Variants in FAM171A2 observed in about 807,000 individuals in gnomAD.
FAM171A2 encodes protein FAM171A2.
Under a neutral mutation model 34.2 loss-of-function variants are expected in FAM171A2, and 13 were observed. The ratio of observed to expected loss-of-function variants is 0.38; its 90% CI spans 0.25 to 0.60. The LOEUF is 0.60. Among genes scored for constraint, FAM171A2 ranks in the 20% least tolerant of loss-of-function variants. The pLI, the probability that FAM171A2 is intolerant of heterozygous loss-of-function variation, is 0.62. For missense variants in FAM171A2, 950 were observed against 1,180.7 expected (o/e 0.80, Z 2.86); for synonymous variants, 475 against 561.2 (o/e 0.85, Z 2.17).
Position 44,363,660 on chromosome 17 carries a change from G to T in FAM171A2, c.55C>A (p.Leu19Met). The stretch of plus-strand genomic sequence containing the variant: ...GCCCGGGAGGCGCTGCCGAGCAGCA[G>T]CCCCAGCAGCGGCAACAGCCGCGCG... ...VLARLLPLLG[L>M]LLGSASRAPG... Residue 19 changes from leucine (L) to methionine (M), a missense_variant, in exon 1 of 8, where the codon CTG becomes ATG. Around this residue, in one of 3 missense-constraint regions of FAM171A2, gnomAD observed 752 missense variants for 924.5 expected, o/e 0.81. Coordinates refer to ENST00000293443, the MANE Select transcript of FAM171A2 (RefSeq NM_198475.3). 8.1e-7 allele frequency: 1 copy of T among 1,227,588 alleles called. No homozygotes were observed. The highest frequency in any genetic ancestry group is 4.0e-5 in the South Asian group (1 of 25,168). The allele number at this position is 1,227,588 out of a possible 1,614,324, so 76.0% of individuals were successfully genotyped here. A position where few individuals can be genotyped will look rare whatever the true frequency, so the allele number is the denominator to read the frequency against.
chr17:44,353,818 GC>G lies in FAM171A2; in HGVS notation c.2395del (p.Ala799ArgfsTer22). Reference protein sequence around the residue: ...SLTSPEDELGAEVGDEAGDKK... With the variant: ...SLTSPEDELGXEVGDEAGDKK... ...GTCTCCCGCCTCGTCGCCCACCTCC[GC>G]CCCCAGCTCGTCCTCCGGGCTGGTG... On this transcript the variant is annotated frameshift_variant, in exon 8 of 8. Transcript: ENST00000293443. LOFTEE classifies it low-confidence loss of function (END_TRUNC). The G allele has an allele frequency of 2.8e-6, 4 of 1,423,146 alleles. No homozygotes were observed. Among genetic ancestry groups the G allele is most frequent in the Non-Finnish European group, 3.7e-6 (4 of 1,089,400 alleles). 88.2% of individuals were successfully genotyped at this position (1,423,146 alleles called of 1,614,324 possible).
Position 44,353,763 on chromosome 17 carries a change from C to T in FAM171A2, c.2451G>A (p.Glu817=). 1 of 1,432,910 alleles carries T rather than the reference C, an allele frequency of 7.0e-7. No individual in the cohort carries two copies. Among genetic ancestry groups the T allele is most frequent in the Non-Finnish European group, 9.1e-7 (1 of 1,093,554 alleles). The allele number at this position is 1,432,910 out of a possible 1,614,324, so 88.8% of individuals were successfully genotyped here. Reference sequence around the variant, plus strand: ...TGACGTTGAACACCATCAGCGGCCGCTCCTCCCGCCGCTGCCACGGGCTCT... The same window carrying T: ...TGACGTTGAACACCATCAGCGGCCGTTCCTCCCGCCGCTGCCACGGGCTCT... ...DKKSPWQRRE[E]RPLMVFNVK Residue 817 remains glutamate, a synonymous_variant, in exon 8 of 8, where the codon GAG becomes GAA. Coordinates refer to ENST00000293443, the MANE Select transcript of FAM171A2 (RefSeq NM_198475.3).
Position 44,354,535 on chromosome 17 carries a change from T to C in FAM171A2, c.1679A>G (p.Asp560Gly), listed in dbSNP as rs2048410824. Residue 560 changes from aspartate (D) to glycine (G), a missense_variant, in exon 8 of 8, where the codon GAC (aspartate) becomes GGC (glycine). Transcript: ENST00000293443. The surrounding 1 kb of genome is among the most constrained non-coding windows in gnomAD (Gnocchi z 5.8). ...GGEAGAAGVG[D>G]EPAPPEGTAP... ...CGTGCCCTCCGGCGGGGCCGGCTCG[T>C]CGCCCACGCCGGCGGCGCCCGCCTC... The C allele has an allele frequency of 5.1e-6, 6 of 1,176,394 alleles. No homozygotes were observed. Among genetic ancestry groups the C allele is most frequent in the Non-Finnish European group, 6.3e-6 (6 of 952,400 alleles). The allele number at this position is 1,176,394 out of a possible 1,614,324, so 72.9% of individuals were successfully genotyped here.
At position 44,355,650 on chromosome 17, in the gene FAM171A2, T is replaced by G; in HGVS notation, c.1022+65A>C. The G allele has an allele frequency of 6.5e-7, 1 of 1,543,876 alleles. No individual in the cohort carries two copies. The highest frequency in any genetic ancestry group is 8.8e-7 in the Non-Finnish European group (1 of 1,142,352). Reference sequence around the variant, plus strand: ...CCTTGAGGACCAGAAGTGGATTTTATGCATCTTTGGGGCCCCAGGGCCCGG... The same window carrying G: ...CCTTGAGGACCAGAAGTGGATTTTAGGCATCTTTGGGGCCCCAGGGCCCGG... On this transcript the variant is annotated intron_variant, in intron 7 of 7. Transcript: ENST00000293443. This position sits in a 1 kb window ranked among gnomAD's most constrained non-coding sequence, Gnocchi z 4.1.
rs538186234 is a variant in FAM171A2 at position 44,359,592 on chromosome 17, G to A, written c.426C>T (p.Leu142=). The change falls in exon 3 of 8, where the codon CTC becomes CTT. Residue 142 remains leucine (L), a synonymous_variant. Coordinates refer to ENST00000293443, the MANE Select transcript of FAM171A2 (RefSeq NM_198475.3). ...GGGGAGCCTTACCGGGAGAGCCTAG[G>A]AGAATGTGCACCAGGTCCTCATAGA... ...LILYEDLVHI[L]LGSPGARSQP... 1.4e-4 allele frequency: 217 copies of A among 1,551,296 alleles called. No individual in the cohort carries two copies. Among genetic ancestry groups the A allele is most frequent in the Middle Eastern group, 1.0e-3 (6 of 5,990 alleles).
At position 44,355,442 on chromosome 17, in the gene FAM171A2, G is replaced by C. The variant is rs1297301386; in HGVS notation, c.1023-251C>G. ...GAGCATCTAAGCTGTCTATGGGTGT[G>C]TCCGGCCTGGAGTCCTCTGGGAGAG... is the stretch of plus-strand genomic sequence containing the variant. On this transcript the variant is annotated intron_variant, in intron 7 of 7. Transcript: ENST00000293443. This position sits in a 1 kb window ranked among gnomAD's most constrained non-coding sequence, Gnocchi z 4.1. Among the ~76,000 whole-genome samples, 1 of 152,218 alleles carries C rather than the reference G, an allele frequency of 6.6e-6. No individual in the cohort carries two copies. Among genetic ancestry groups the C allele is most frequent in the African/African-American group, 2.4e-5 (1 of 41,458 alleles).
intron 1 of FAM171A2, among the ~76,000 whole-genome samples, chr17:44,361,604 C>A (rs1160233959): frequency 6.6e-6 from 1 of 152,196 alleles, no homozygotes; most frequent in Non-Finnish European, 1.5e-5. Flanking sequence ...CTGAGCCCAC[C>A]TCCCCTCCCA....
At chr17:44,359,882 CCT>C in intron 2 of FAM171A2, 21 bp downstream of exon 2, 1 of 1,510,306 alleles carries the variant, frequency 6.6e-7, no homozygotes, top group Non-Finnish European at 8.9e-7. Context: ...CTGTCCCCCC[CCT>C]CCACCTGCCC....
rs2048417688 is a variant in FAM171A2 at position 44,355,359 on chromosome 17, C to T, written c.1023-168G>A. Among the ~76,000 whole-genome samples the T allele has an allele frequency of 6.6e-6, 1 of 152,250 alleles. No homozygotes were observed. The highest frequency in any genetic ancestry group is 2.4e-5 in the African/African-American group (1 of 41,468). ...GAGCCGCCGTGTCCGTTTGGCGATC[C>T]CCTCAGGGTCAACTCTGCACTCCTC... On this transcript the variant is annotated intron_variant, in intron 7 of 7. Coordinates refer to ENST00000293443, the MANE Select transcript of FAM171A2 (RefSeq NM_198475.3). The surrounding 1 kb of genome is among the most constrained non-coding windows in gnomAD (Gnocchi z 4.1).
intron 1 of FAM171A2, among the ~76,000 whole-genome samples, 166 bp downstream of exon 1, chr17:44,363,430 CA>C (rs2143391981): frequency 6.6e-6 from 1 of 152,268 alleles, no homozygotes; most frequent in Non-Finnish European, 1.5e-5. Context: ...TCCCCGCCTC[CA>C]CTTTCCCCCA....
intron 1 of FAM171A2, among the ~76,000 whole-genome samples, chr17:44,363,265 G>T (rs1313204494): frequency 6.6e-6 from 1 of 152,140 alleles, no homozygotes; most frequent in African/African-American, 2.4e-5. Context: ...CCCGCCCCTG[G>T]GCGGGTGTCT....
rs1386066059 is a variant in FAM171A2, at chr17:44,356,523, A to T, written c.505T>A (p.Tyr169Asn). 18 of 1,550,336 alleles carry T rather than the reference A, an allele frequency of 1.2e-5. No homozygotes were observed. The highest frequency in any genetic ancestry group is 1.5e-5 in the Non-Finnish European group (17 of 1,146,862). ...RAARLPVSST[Y>N]SQLWASLTPA... ...GTAAGTGACGCCCAGAGCTGGCTGTAGGTGGAGCTGACAGGCAGGCGGGCA... is the reference window on the plus strand; with the variant it reads ...GTAAGTGACGCCCAGAGCTGGCTGTTGGTGGAGCTGACAGGCAGGCGGGCA... Residue 169 changes from tyrosine (Y) to asparagine (N), a missense_variant, in exon 4 of 8, where the codon TAC (tyrosine) becomes AAC (asparagine). Physicochemically the swap from Tyr to Asn is moderately radical, Grantham distance 143 (BLOSUM62 -2). Around this residue, in one of 3 missense-constraint regions of FAM171A2, gnomAD observed 752 missense variants for 924.5 expected, o/e 0.81. Transcript: ENST00000293443.
In FAM171A2 at chr17:44,354,236, C is replaced by G; in HGVS notation, c.1978G>C (p.Gly660Arg). 1 of 1,455,070 alleles carries G rather than the reference C, an allele frequency of 6.9e-7. No homozygotes were observed. Among genetic ancestry groups the G allele is most frequent in the Non-Finnish European group, 9.1e-7 (1 of 1,095,788 alleles). 90.1% of individuals were successfully genotyped at this position (1,455,070 alleles called of 1,614,324 possible). A position where few individuals can be genotyped will look rare whatever the true frequency, so the allele number is the denominator to read the frequency against. The change falls in exon 8 of 8, where the codon GGG (glycine) becomes CGG (arginine). Residue 660 changes from glycine to arginine, a missense_variant. Around this residue, in one of 3 missense-constraint regions of FAM171A2, gnomAD observed 752 missense variants for 924.5 expected, o/e 0.81. Coordinates refer to ENST00000293443, the MANE Select transcript of FAM171A2 (RefSeq NM_198475.3). This position sits in a 1 kb window ranked among gnomAD's most constrained non-coding sequence, Gnocchi z 5.8. ...HPRAWFVSLD[G>R]RSNSQVRHSY... ...TGGCGCACTTGCGAGTTGGAGCGCCCGTCGAGGGACACGAACCAGGCGCGC... is the reference window on the plus strand; with the variant it reads ...TGGCGCACTTGCGAGTTGGAGCGCCGGTCGAGGGACACGAACCAGGCGCGC...
intron 1 of FAM171A2, 46 bp downstream of exon 1, chr17:44,363,551 A>T: frequency 1.1e-6 from 1 of 944,832 alleles, no homozygotes; most frequent in Non-Finnish European, 1.4e-6. Context: ...GAGCCTGATC[A>T]GGGGGCGCAG....
chr17:44,360,638 G>T (rs1187383335), intron 1 of FAM171A2, among the ~76,000 whole-genome samples: 1 of 152,158 alleles, frequency 6.6e-6, no homozygotes, highest in Non-Finnish European at 1.5e-5. Context: ...CCCCGGGCCT[G>T]GGGAGAGGAG....
chr17:44,354,743 C>A lies in FAM171A2; in HGVS notation c.1471G>T (p.Ala491Ser). ...AGGAAGTCGGGGGTCTTGCCCTCGG[C>A]CGCCCCCTTGTGGCCCAGGTAGTGG... ...FDHYLGHKGA[A>S]EGKTPDFLLS... Residue 491 changes from alanine to serine, a missense_variant, in exon 8 of 8, where the codon GCC becomes TCC. Ala to Ser is a moderately conservative substitution (Grantham distance 99). Transcript: ENST00000293443. The surrounding 1 kb of genome is among the most constrained non-coding windows in gnomAD (Gnocchi z 5.8). The A allele has an allele frequency of 7.6e-7, 1 of 1,309,848 alleles. No individual in the cohort carries two copies. Among genetic ancestry groups the A allele is most frequent in the Non-Finnish European group, 9.7e-7 (1 of 1,027,832 alleles). The allele number at this position is 1,309,848 out of a possible 1,614,324, so 81.1% of individuals were successfully genotyped here.
chr17:44,357,358 A>C (rs1457524198), intron 3 of FAM171A2, among the ~76,000 whole-genome samples: 2 of 149,622 alleles, frequency 1.3e-5, no homozygotes, highest in African/African-American at 4.9e-5. Context: ...AAAAGAAAAA[A>C]AAAAAAAAGG....
At position 44,355,561 on chromosome 17, in the gene FAM171A2, T is replaced by G. The variant is rs947605416; in HGVS notation, c.1022+154A>C. Reference sequence around the variant, plus strand: ...CCTCCCCTCCCACCTCCCCGCTGTCTTCAACCACCAGCACCAGCCCTTCAG... The same window carrying G: ...CCTCCCCTCCCACCTCCCCGCTGTCGTCAACCACCAGCACCAGCCCTTCAG... On this transcript the variant is annotated intron_variant, in intron 7 of 7. Coordinates refer to ENST00000293443, the MANE Select transcript of FAM171A2 (RefSeq NM_198475.3). This position sits in a 1 kb window ranked among gnomAD's most constrained non-coding sequence, Gnocchi z 4.1. 6.6e-5 allele frequency among the ~76,000 whole-genome samples: 10 copies of G among 152,188 alleles called. No individual in the cohort carries two copies. The highest frequency in any genetic ancestry group is 1.3e-4 in the Non-Finnish European group (9 of 68,022).
Position 44,353,979 on chromosome 17 carries a change from C to G in FAM171A2, c.2235G>C (p.Glu745Asp). The change falls in exon 8 of 8, where the codon GAG becomes GAC. Residue 745 changes from glutamate to aspartate, a missense_variant. Glu to Asp is a conservative substitution (Grantham distance 45, BLOSUM62 2). Transcript: ENST00000293443. ...CCAGCAGCGGCGTCAGCGAGTTGTCCTCCGGAGAGCAGAGGCCCGTGCGGC... is the reference window on the plus strand; with the variant it reads ...CCAGCAGCGGCGTCAGCGAGTTGTCGTCCGGAGAGCAGAGGCCCGTGCGGC... ...SESRTGLCSP[E>D]DNSLTPLLDE... 1 of 1,285,260 alleles carries G rather than the reference C, an allele frequency of 7.8e-7. No individual in the cohort carries two copies. The highest frequency in any genetic ancestry group is 9.8e-7 in the Non-Finnish European group (1 of 1,019,548). 79.6% of individuals were successfully genotyped at this position (1,285,260 alleles called of 1,614,324 possible). A position where few individuals can be genotyped will look rare whatever the true frequency, so the allele number is the denominator to read the frequency against.
Sources: allele counts gnomAD v4.1 joint callset (sites outside exome capture counted in the v4.1 genomes callset), GRCh38; gene constraint gnomAD v4.1.1; regional missense constraint gnomAD v4.1.1; non-coding constraint Gnocchi (gnomAD v3.1); transcripts MANE v1.5; gene names NCBI Gene and HGNC (gene_info 2026-07-23, HGNC 2026-07-21).